Variants in MYO1B observed in about 807,000 individuals in gnomAD.
The protein encoded by MYO1B is unconventional myosin-Ib.
A neutral mutation model predicts 159.7 loss-of-function variants in MYO1B; 72 were observed. That is an observed-to-expected ratio of 0.45 (90% confidence interval 0.37 to 0.55). The LOEUF (loss-of-function observed/expected upper bound fraction) is 0.55. Among genes scored for constraint, MYO1B ranks in the 20% least tolerant of loss-of-function variants. The probability of loss-of-function intolerance (pLI) is 0.00; values close to 1 mark genes in which losing one functional copy is unlikely to be tolerated. For synonymous variants in MYO1B, 468 were observed against 473.8 expected, an observed-to-expected ratio of 0.99 and a Z score of 0.16; for missense variants, 1,062 against 1,364.8, an observed-to-expected ratio of 0.78 and a Z score of 3.50.
rs1574341221 is a variant in MYO1B at position 191,286,741 on chromosome 2, T to C, written c.136-9370T>C. On this transcript the variant is annotated intron_variant, in intron 2 of 30. Coordinates refer to ENST00000392318, the MANE Select transcript of MYO1B (RefSeq NM_001130158.3). ...TTAGTCGAGGAGTTCGAGACCAGCC[T>C]GGGCAACATGATGAAACCCCGTCTC... is the stretch of plus-strand genomic sequence containing the variant. Among the ~76,000 whole-genome samples, 3 of 152,150 alleles carry C rather than the reference T, an allele frequency of 2.0e-5. No individual in the cohort carries two copies. In the East Asian group the frequency reaches 5.8e-4, roughly 29 times the overall value.
chr2:191,257,579 C>G (rs1005765518), intron 1 of MYO1B, among the ~76,000 whole-genome samples: 1 of 152,132 alleles, frequency 6.6e-6, no homozygotes, highest in South Asian at 2.1e-4. Flanking sequence ...TCATGCTGCT[C>G]TTTTTATGTA....
rs184747874 is a variant in MYO1B at position 191,404,864 on chromosome 2, T to C, written c.2556+2146T>C. Among the ~76,000 whole-genome samples, 4 of 152,348 alleles carry C rather than the reference T, an allele frequency of 2.6e-5. No individual in the cohort carries two copies. The East Asian group carries it at 7.7e-4, about 29-fold the overall frequency. On this transcript the variant is annotated intron_variant, in intron 24 of 30. Coordinates refer to ENST00000392318, the MANE Select transcript of MYO1B (RefSeq NM_001130158.3). ...TGCTGGTGGAGAGTCTTGGCTTATC[T>C]TGATGTCGATGGCTGCTGACTGATG...
intron 22 of MYO1B, 74 bp from the exon 23 acceptor site, chr2:191,400,675 T>C (rs1559237002): frequency 1.3e-6 from 2 of 1,531,008 alleles, no homozygotes; most frequent in African/African-American, 1.4e-5. Context: ...TCTCTTTTTC[T>C]TTCTTCATTG....
chr2:191,274,716 G>A (rs1687646373), intron 1 of MYO1B, among the ~76,000 whole-genome samples: 2 of 152,086 alleles, frequency 1.3e-5, no homozygotes, highest in South Asian at 4.2e-4. Context: ...CTCTCCCTGT[G>A]CAAGTCCTTC....
At position 191,409,185 on chromosome 2, in the gene MYO1B, A is replaced by T. The variant is rs964558955; in HGVS notation, c.2766+7A>T. ...GATTTTCCACTTGTGGAGGGTAAAA[A>T]ATGTCATATTACATCTTTTCGGAGA... On this transcript the variant is annotated splice_region_variant and intron_variant, in intron 26 of 30. Coordinates refer to ENST00000392318, the MANE Select transcript of MYO1B (RefSeq NM_001130158.3). The T allele has an allele frequency of 4.4e-6, 7 of 1,600,632 alleles. No homozygotes were observed. Among genetic ancestry groups the T allele is most frequent in the Middle Eastern group, 1.7e-4 (1 of 6,034 alleles).
chr2:191,306,941 G>C (rs1394338637), intron 3 of MYO1B, among the ~76,000 whole-genome samples: 1 of 152,204 alleles, frequency 6.6e-6, no homozygotes, highest in Non-Finnish European at 1.5e-5. Context: ...GACACTAACT[G>C]GGTGTCCAAC....
chr2:191,414,485 T>C, intron 28 of MYO1B, 32 bp from the exon 29 acceptor site: 1 of 1,562,382 alleles, frequency 6.4e-7, no homozygotes, highest in Non-Finnish European at 8.7e-7. Flanking sequence ...TTTGTGATCA[T>C]TGGTTTTATA....
chr2:191,278,275 G>A (rs1426817988), intron 2 of MYO1B, among the ~76,000 whole-genome samples: 1 of 152,218 alleles, frequency 6.6e-6, no homozygotes, highest in Non-Finnish European at 1.5e-5. Context: ...TCACATGGTG[G>A]AAGAGGAATA....
Position 191,411,181 on chromosome 2 carries a change from G to GC in MYO1B, c.2873+10dup. 6.6e-7 allele frequency: 1 copy of GC among 1,521,596 alleles called. No homozygotes were observed. Among genetic ancestry groups the GC allele is most frequent in the Non-Finnish European group, 8.9e-7 (1 of 1,118,458 alleles). 94.3% of individuals were successfully genotyped at this position (1,521,596 alleles called of 1,614,324 possible). ...GCTTTATACCCATCTAGGTATTATG[G>GC]CTTTGCTTTACCCATAAAATTCAGG... On this transcript the variant is annotated intron_variant, in intron 27 of 30. Coordinates refer to ENST00000392318, the MANE Select transcript of MYO1B (RefSeq NM_001130158.3).
At chr2:191,377,348 A>G (rs942743412) in intron 13 of MYO1B, among the ~76,000 whole-genome samples, 1 of 152,182 alleles carries the variant, frequency 6.6e-6, no homozygotes, top group Non-Finnish European at 1.5e-5. Flanking sequence ...TGTGGGTAAG[A>G]CAGTAGAGAA....
At chr2:191,261,305 C>T (rs532439053) in intron 1 of MYO1B, among the ~76,000 whole-genome samples, 9 of 152,088 alleles carry the variant, frequency 5.9e-5, no homozygotes, top group Non-Finnish European at 1.2e-4. Context: ...TTGGAAATCA[C>T]CTGATAAGAA....
intron 3 of MYO1B, among the ~76,000 whole-genome samples, chr2:191,298,823 C>A (rs1455669560): frequency 6.6e-6 from 1 of 152,158 alleles, no homozygotes; most frequent in Non-Finnish European, 1.5e-5. Context: ...GATCAAGTAA[C>A]TTATCCAAAG....
At chr2:191,341,649 G>A in intron 5 of MYO1B, 84 bp downstream of exon 5, 8 of 1,059,796 alleles carry the variant, frequency 7.5e-6, no homozygotes, top group Non-Finnish European at 1.1e-5. Flanking sequence ...TGGTCTGCTG[G>A]GAGGTATTCT....
intron 3 of MYO1B, among the ~76,000 whole-genome samples, chr2:191,313,961 T>C (rs1349598949): frequency 6.6e-6 from 1 of 152,158 alleles, no homozygotes; most frequent in Non-Finnish European, 1.5e-5. Context: ...GAAGGGAGAA[T>C]GGAATGGGAT....
chr2:191,278,998 T>C (rs1030047759), intron 2 of MYO1B, among the ~76,000 whole-genome samples: 1 of 152,248 alleles, frequency 6.6e-6, no homozygotes, highest in African/African-American at 2.4e-5. Context: ...ACCTGATTTG[T>C]TGTGGCCACT....
chr2:191,339,685 C>T (rs1692087860), intron 4 of MYO1B, among the ~76,000 whole-genome samples: 1 of 152,172 alleles, frequency 6.6e-6, no homozygotes, highest in African/African-American at 2.4e-5. Flanking sequence ...TAATGTCCCA[C>T]CATAGTTCTG....
chr2:191,254,832 G>C (rs190286218), intron 1 of MYO1B, among the ~76,000 whole-genome samples: 4 of 152,070 alleles, frequency 2.6e-5, no homozygotes, highest in Non-Finnish European at 4.4e-5. Context: ...AGTAAGGAAG[G>C]GGTGACTTTT....
chr2:191,414,058 C>A lies in MYO1B; in HGVS notation c.2884C>A (p.Pro962Thr). The change falls in exon 28 of 31, where the codon CCA (proline) becomes ACA (threonine). Residue 962 changes from proline (P) to threonine (T), a missense_variant. Pro to Thr is a conservative substitution (Grantham distance 38). Coordinates refer to ENST00000392318, the MANE Select transcript of MYO1B (RefSeq NM_001130158.3). ...KALYPSSVGQ[P>T]FQGAYLEINK... Reference sequence around the variant, plus strand: ...ATTTTTTTCCTTTAGTGTTGGGCAACCATTCCAAGGGGCTTACCTGGAAAT... The same window carrying A: ...ATTTTTTTCCTTTAGTGTTGGGCAAACATTCCAAGGGGCTTACCTGGAAAT... 6.2e-7 allele frequency: 1 copy of A among 1,602,168 alleles called. No homozygotes were observed. Among genetic ancestry groups the A allele is most frequent in the Non-Finnish European group, 8.5e-7 (1 of 1,175,698 alleles).
chr2:191,416,295 T>C (rs1188300273), intron 30 of MYO1B, 53 bp downstream of exon 30: 2 of 1,604,916 alleles, frequency 1.2e-6, no homozygotes, highest in Non-Finnish European at 1.7e-6. Flanking sequence ...TTTTTTGTTT[T>C]AGTTCAGCTC....
Sources: allele counts gnomAD v4.1 joint callset (sites outside exome capture counted in the v4.1 genomes callset), GRCh38; gene constraint gnomAD v4.1.1; transcripts MANE v1.5; gene names NCBI Gene and HGNC (gene_info 2026-07-23, HGNC 2026-07-21).